DPP6: variants seen among roughly 807,000 people sequenced by gnomAD.
The protein encoded by DPP6 is dipeptidyl peptidase like 6.
Under a neutral mutation model 122.6 loss-of-function variants are expected in DPP6, and 69 were observed. The ratio of observed to expected loss-of-function variants is 0.56; its 90% CI spans 0.46 to 0.69. DPP6 has a LOEUF of 0.69. DPP6 is among the 30% of genes least tolerant of loss of function. DPP6 has a pLI of 0.00. For synonymous variants in DPP6, 418 were observed against 433.1 expected (o/e 0.97, Z 0.43); for missense variants, 928 against 1,116.9 (o/e 0.83, Z 2.41).
chr7:153,974,004 A>G (rs1385089535), intron 1 of DPP6, among the ~76,000 whole-genome samples: 1 of 151,944 alleles, frequency 6.6e-6, no homozygotes, highest in African/African-American at 2.4e-5. Flanking sequence ...ACAACCGTGA[A>G]CATACCACAG....
chr7:154,433,204 G>A (rs1372721584), intron 1 of DPP6, among the ~76,000 whole-genome samples: 1 of 132,850 alleles, frequency 7.5e-6, no homozygotes, highest in Admixed American at 8.7e-5. Flanking sequence ...GGAGTGCAGT[G>A]GCACAATCTC....
chr7:154,489,304 A>C (rs745681117), intron 3 of DPP6, among the ~76,000 whole-genome samples: 2 of 152,170 alleles, frequency 1.3e-5, no homozygotes, highest in African/African-American at 2.4e-5. Context: ...TCATGTTCAC[A>C]TTTAAAATGC....
rs1797863142 is a variant in DPP6 at position 154,794,176 on chromosome 7, G to A, written c.1234G>A (p.Asp412Asn). 2 of 1,611,446 alleles carry A rather than the reference G, an allele frequency of 1.2e-6. No homozygotes were observed. The highest frequency in any genetic ancestry group is 1.7e-6 in the Non-Finnish European group (2 of 1,178,738). Reference protein sequence around the residue: ...AQNVSILTLCDATTGVCTKKH... With the variant: ...AQNVSILTLCNATTGVCTKKH... ...GAACGTGTCCATCCTCACCCTCTGC[G>A]ACGCCACCACGGGGGTCTGCACGAA... The change falls in exon 11 of 26, where the codon GAC becomes AAC. Residue 412 changes from aspartate (D) to asparagine (N), a missense_variant. Asp to Asn is a conservative substitution (Grantham distance 23). Coordinates refer to ENST00000377770, the MANE Select transcript of DPP6 (RefSeq NM_130797.4).
intron 1 of DPP6, among the ~76,000 whole-genome samples, chr7:153,897,095 ATGTTAT>A (rs1799445580): frequency 6.6e-6 from 1 of 152,178 alleles, no homozygotes; most frequent in African/African-American, 2.4e-5. Flanking sequence ...TGTCTGTGCT[ATGTTAT>A]TATGTTAGAA....
At chr7:154,678,448 A>C (rs1839066432) in intron 7 of DPP6, among the ~76,000 whole-genome samples, 1 of 152,132 alleles carries the variant, frequency 6.6e-6, no homozygotes, top group African/African-American at 2.4e-5. Context: ...CACCTTTAAG[A>C]GCTGTGACAC....
chr7:154,795,698 C>T (rs905816509), intron 11 of DPP6, 147 bp from the exon 12 acceptor site: 23 of 1,165,036 alleles, frequency 2.0e-5, no homozygotes, highest in East Asian at 7.9e-5. Context: ...CCAGAGCTGC[C>T]GTGGCAGCTG....
At chr7:154,686,690 AGAG>A (rs1839627696) in intron 7 of DPP6, among the ~76,000 whole-genome samples, 1 of 152,212 alleles carries the variant, frequency 6.6e-6, no homozygotes, top group Non-Finnish European at 1.5e-5. Context: ...AGGGGTGTGC[AGAG>A]CCCTTTCAGA....
intron 1 of DPP6, among the ~76,000 whole-genome samples, chr7:154,121,439 G>T (rs1807458760): frequency 6.6e-6 from 1 of 152,016 alleles, no homozygotes; most frequent in South Asian, 2.1e-4. Flanking sequence ...TGTTTTTATT[G>T]CATTCCCTAA....
chr7:154,415,876 A>G (rs1375661880), intron 1 of DPP6, among the ~76,000 whole-genome samples: 1 of 151,354 alleles, frequency 6.6e-6, no homozygotes, highest in Non-Finnish European at 1.5e-5. Context: ...CTAGAATTGT[A>G]CTCGATGGAC....
At chr7:154,811,338 C>T (rs1799047996) in intron 16 of DPP6, among the ~76,000 whole-genome samples, 1 of 152,188 alleles carries the variant, frequency 6.6e-6, no homozygotes, top group Non-Finnish European at 1.5e-5. Context: ...TGAGCCTCGT[C>T]CTGCCATGGG....
chr7:154,303,836 C>T (rs532124643), intron 1 of DPP6, among the ~76,000 whole-genome samples: 5 of 152,140 alleles, frequency 3.3e-5, no homozygotes, highest in East Asian at 1.9e-4. Flanking sequence ...GCCACTCTGC[C>T]GTGACCTGGA....
the DPP6 span, among the ~76,000 whole-genome samples, chr7:153,798,025 G>C: frequency 1.9e-3 from 286 of 152,150 alleles, 2 homozygotes; most frequent in African/African-American, 6.5e-3. Flanking sequence ...TGTATTTTTG[G>C]TAGAGACGGG....
chr7:154,433,229 T>C (rs1312086834), intron 1 of DPP6, among the ~76,000 whole-genome samples: 1 of 137,416 alleles, frequency 7.3e-6, no homozygotes, highest in East Asian at 2.3e-4. Flanking sequence ...CACTGCAACC[T>C]CTGCCTCCCA....
intron 1 of DPP6, among the ~76,000 whole-genome samples, chr7:154,000,916 GC>G (rs1162401024): frequency 1.3e-5 from 2 of 152,236 alleles, no homozygotes; most frequent in East Asian, 3.9e-4. Context: ...GGTATCTGCC[GC>G]CCGGGCCCAG....
At chr7:153,960,887 G>A (rs991109573) in intron 1 of DPP6, among the ~76,000 whole-genome samples, 4 of 151,922 alleles carry the variant, frequency 2.6e-5, no homozygotes, top group African/African-American at 9.7e-5. Flanking sequence ...AAAGCCCAGT[G>A]TTTCACAGTT....
chr7:154,681,108 T>A (rs1839252215), intron 7 of DPP6, among the ~76,000 whole-genome samples: 1 of 150,804 alleles, frequency 6.6e-6, no homozygotes, highest in Non-Finnish European at 1.5e-5. Context: ...AAAAAAAAAA[T>A]GGTAAGTGAG....
At chr7:154,006,848 G>A (rs553563401) in intron 1 of DPP6, among the ~76,000 whole-genome samples, 1 of 152,334 alleles carries the variant, frequency 6.6e-6, no homozygotes, top group East Asian at 1.9e-4. Flanking sequence ...ATCTTGAATT[G>A]CCCTGGTTGG....
intron 1 of DPP6, among the ~76,000 whole-genome samples, chr7:154,342,732 AT>A (rs1395541159): frequency 2.0e-5 from 3 of 152,208 alleles, no homozygotes; most frequent in Non-Finnish European, 4.4e-5. Context: ...TAAGGAAACC[AT>A]AAATGAATTA....
At chr7:154,883,416 ACATGCT>A (rs1340791394) in intron 21 of DPP6, among the ~76,000 whole-genome samples, 1 of 136,520 alleles carries the variant, frequency 7.3e-6, no homozygotes, top group Non-Finnish European at 1.6e-5. Flanking sequence ...TCACCCATAC[ACATGCT>A]CACACACACG....
Sources: gnomAD v4.1 joint callset for allele counts (sites outside exome capture counted in the v4.1 genomes callset) on GRCh38, gnomAD v4.1.1 for gene constraint, MANE v1.5 for transcripts, NCBI Gene and HGNC (gene_info 2026-07-23, HGNC 2026-07-21) for gene names.